The following ZCCHC14 variants were observed in gnomAD, a reference collection of about 807,000 sequenced individuals.
The protein encoded by ZCCHC14 is zinc finger CCHC domain-containing protein 14.
In ZCCHC14, 16 loss-of-function variants were observed where a neutral mutation model predicts 85.0. The observed-to-expected ratio is 0.19, with a 90% CI of 0.13 to 0.29. The LOEUF (loss-of-function observed/expected upper bound fraction) is 0.29. Ranked by LOEUF, ZCCHC14 falls within the 10% of genes least tolerant of loss-of-function variation. The pLI is 1.00. For synonymous variants in ZCCHC14, 775 were observed against 630.7 expected (o/e 1.23, Z -3.43); for missense variants, 1,303 against 1,443.5 (o/e 0.90, Z 1.58).
chr16:87,411,661 T>A lies in ZCCHC14; in HGVS notation c.3060A>T (p.Ala1020=), dbSNP rs767511480. The A allele has an allele frequency of 7.7e-5, 124 of 1,613,886 alleles. No individual in the cohort carries two copies. The highest frequency in any genetic ancestry group is 1.0e-4 in the Non-Finnish European group (123 of 1,179,978). ...PPMQNFMAGT[A]GVYQTQGLVG... is the part of the protein sequence containing the mutation. ...CCAGTCCTTGGGTCTGGTACACCCC[T>A]GCTGTCCCTGCCATGAAGTTCTGCA... is the stretch of plus-strand genomic sequence containing the variant. The change falls in exon 12 of 13, where the codon GCA becomes GCT. Residue 1020 remains alanine (A), a synonymous_variant. Coordinates refer to ENST00000671377, the MANE Select transcript of ZCCHC14 (RefSeq NM_015144.3).
At chr16:87,454,433 C>T (rs1454971045) in intron 2 of ZCCHC14, among the ~76,000 whole-genome samples, 1 of 152,168 alleles carries the variant, frequency 6.6e-6, no homozygotes, top group Non-Finnish European at 1.5e-5. Flanking sequence ...GACAGAAATG[C>T]TAGAGGACTT....
chr16:87,448,203 T>C (rs1157087831), intron 2 of ZCCHC14, among the ~76,000 whole-genome samples: 1 of 152,094 alleles, frequency 6.6e-6, no homozygotes, highest in Non-Finnish European at 1.5e-5. Context: ...ATCTGAAACA[T>C]TTTGTTATTC....
intron 2 of ZCCHC14, among the ~76,000 whole-genome samples, chr16:87,433,717 C>T (rs1239812308): frequency 6.6e-6 from 1 of 152,036 alleles, no homozygotes; most frequent in Admixed American, 6.6e-5. Context: ...CGGCGGCTCA[C>T]TGCAACCTCT....
Position 87,491,486 on chromosome 16 carries a change from G to C in ZCCHC14, c.570+183C>G, listed in dbSNP as rs563742334. 6.6e-6 allele frequency among the ~76,000 whole-genome samples: 1 copy of C among 152,008 alleles called. No individual in the cohort carries two copies. The highest frequency in any genetic ancestry group is 1.5e-5 in the Non-Finnish European group (1 of 67,994). ...GCACACATTTGGGGTGCGACATAGA[G>C]GCTTAGGATGGGGCTTGGGATACGG... On this transcript the variant is annotated intron_variant, in intron 1 of 12. Transcript: ENST00000671377. This position sits in a 1 kb window ranked among gnomAD's most constrained non-coding sequence, Gnocchi z 5.9.
chr16:87,458,185 T>C (rs1345462822), intron 2 of ZCCHC14, among the ~76,000 whole-genome samples: 1 of 151,650 alleles, frequency 6.6e-6, no homozygotes, highest in African/African-American at 2.4e-5. Context: ...ATTCACAGGG[T>C]GTGCAGGGCA....
intron 6 of ZCCHC14, among the ~76,000 whole-genome samples, chr16:87,419,467 A>G (rs941296727): frequency 6.6e-6 from 1 of 152,094 alleles, no homozygotes; most frequent in Non-Finnish European, 1.5e-5. Context: ...CGCCTGGCTA[A>G]TTTTTTTGTA....
intron 2 of ZCCHC14, among the ~76,000 whole-genome samples, chr16:87,445,455 T>C (rs946173384): frequency 2.0e-5 from 3 of 152,172 alleles, no homozygotes; most frequent in Non-Finnish European, 4.4e-5. Flanking sequence ...ATTTTTTTCA[T>C]TGGAGAGGTT....
At chr16:87,459,859 C>A (rs1911169121) in intron 2 of ZCCHC14, 149 bp downstream of exon 2, 2 of 1,256,272 alleles carry the variant, frequency 1.6e-6, no homozygotes, top group Non-Finnish European at 2.2e-6. Context: ...AAAGCATATT[C>A]ATGTATTGCT....
intron 2 of ZCCHC14, among the ~76,000 whole-genome samples, chr16:87,458,733 G>A (rs1158497521): frequency 6.6e-6 from 1 of 152,198 alleles, no homozygotes; most frequent in Non-Finnish European, 1.5e-5. Context: ...AGAGCGCACA[G>A]GGTGAGCGAG....
Position 87,411,562 on chromosome 16 carries a change from G to A in ZCCHC14, c.3159C>T (p.His1053=). The A allele has an allele frequency of 6.2e-7, 1 of 1,613,710 alleles. No individual in the cohort carries two copies. Among genetic ancestry groups the A allele is most frequent in the Non-Finnish European group, 8.5e-7 (1 of 1,180,034 alleles). The change falls in exon 12 of 13, where the codon CAC becomes CAT. Residue 1053 remains histidine (H), a synonymous_variant. Coordinates refer to ENST00000671377, the MANE Select transcript of ZCCHC14 (RefSeq NM_015144.3). ...LSCYNCGATG[H]RAQDCKQPSM... Reference sequence around the variant, plus strand: ...ACGGCTGTTTGCAGTCCTGGGCGCGGTGACCAGTGGCCCCGCAGTTGTAAC... The same window carrying A: ...ACGGCTGTTTGCAGTCCTGGGCGCGATGACCAGTGGCCCCGCAGTTGTAAC...
chr16:87,435,243 C>T (rs991795726), intron 2 of ZCCHC14, among the ~76,000 whole-genome samples: 3 of 152,138 alleles, frequency 2.0e-5, no homozygotes, highest in African/African-American at 4.8e-5. Flanking sequence ...CCAAATCACC[C>T]GTGGCAAGTT....
At chr16:87,484,564 G>A (rs1912429058) in intron 1 of ZCCHC14, among the ~76,000 whole-genome samples, 1 of 152,208 alleles carries the variant, frequency 6.6e-6, no homozygotes, top group African/African-American at 2.4e-5. Context: ...TGTATATGGT[G>A]TCTTGAAAGA....
chr16:87,450,568 C>CTT (rs896071309), intron 2 of ZCCHC14, among the ~76,000 whole-genome samples: 52 of 125,580 alleles, frequency 4.1e-4, no homozygotes, highest in African/African-American at 5.2e-4. Context: ...ATAATAGATT[C>CTT]TTTTTTTTTT....
At position 87,410,273 on chromosome 16, in the gene ZCCHC14, A is replaced by T. The variant is rs371512896; in HGVS notation, c.*7T>A. On this transcript the variant is annotated 3_prime_UTR_variant, in exon 13 of 13. Transcript: ENST00000671377. ...GCTTAATAACGTTCTGTTGCCAGAG[A>T]AAAATATCAATCTGTGGAGTCCAGA... The T allele has an allele frequency of 9.1e-6, 7 of 769,152 alleles. No individual in the cohort carries two copies. The highest frequency in any genetic ancestry group is 1.7e-5 in the African/African-American group (1 of 58,326). The allele number at this position is 769,152 out of a possible 1,614,324, so 47.6% of individuals were successfully genotyped here. A position where few individuals can be genotyped will look rare whatever the true frequency, so the allele number is the denominator to read the frequency against.
chr16:87,467,072 A>C, intron 1 of ZCCHC14: 1 of 483,324 alleles, frequency 2.1e-6, no homozygotes, highest in East Asian at 3.4e-5. Context: ...TACTAAAGAG[A>C]CAGGGTCCCG....
chr16:87,457,293 T>A (rs1455458766), intron 2 of ZCCHC14, among the ~76,000 whole-genome samples: 1 of 152,250 alleles, frequency 6.6e-6, no homozygotes. Flanking sequence ...GTTTTCCACT[T>A]TCAGTACAGT....
intron 2 of ZCCHC14, among the ~76,000 whole-genome samples, chr16:87,436,069 G>C (rs759393966): frequency 2.0e-5 from 3 of 152,024 alleles, no homozygotes; most frequent in Non-Finnish European, 4.4e-5. Context: ...ATTCTCCCTG[G>C]CCACAAACAC....
intron 3 of ZCCHC14, among the ~76,000 whole-genome samples, chr16:87,431,893 G>A (rs1024382919): frequency 6.6e-6 from 1 of 152,146 alleles, no homozygotes; most frequent in Non-Finnish European, 1.5e-5. Flanking sequence ...CAGAAACTCC[G>A]TGGGCGCCGA....
At chr16:87,459,946 A>T in intron 2 of ZCCHC14, 62 bp downstream of exon 2, 1 of 1,611,376 alleles carries the variant, frequency 6.2e-7, no homozygotes, top group Non-Finnish European at 8.5e-7. Context: ...CCTCACGGGG[A>T]TCTGGGGTGT....
Sources: gnomAD v4.1 joint callset for allele counts (sites outside exome capture counted in the v4.1 genomes callset) on GRCh38, gnomAD v4.1.1 for gene constraint, Gnocchi (gnomAD v3.1) non-coding constraint, MANE v1.5 for transcripts, NCBI Gene and HGNC (gene_info 2026-07-23, HGNC 2026-07-21) for gene names.